FYB2: variants seen among roughly 807,000 people sequenced by gnomAD.
FYB2 encodes FYN-binding protein 2.
A neutral mutation model predicts 94.1 loss-of-function variants in FYB2; 103 were observed. The observed-to-expected ratio is 1.09, with a 90% CI of 0.93 to 1.29. The LOEUF (loss-of-function observed/expected upper bound fraction) is 1.29, where lower values mean the gene tolerates loss of function less well. Ranked by LOEUF, FYB2 falls within the 50% of genes most tolerant of loss-of-function variation. The pLI, the probability that FYB2 is intolerant of heterozygous loss-of-function variation, is 0.00. For missense variants in FYB2, 896 were observed against 841.5 expected, an observed-to-expected ratio of 1.06 and a Z score of -0.80; for synonymous variants, 293 against 287.9, an observed-to-expected ratio of 1.02 and a Z score of -0.18.
intron 5 of FYB2, among the ~76,000 whole-genome samples, chr1:56,765,392 AC>A (rs1645597666): frequency 6.6e-6 from 1 of 152,156 alleles, no homozygotes; most frequent in African/African-American, 2.4e-5. Flanking sequence ...GAATTTTATT[AC>A]CACCTGGCAG....
At chr1:56,745,801 A>G (rs976740646) in intron 9 of FYB2, among the ~76,000 whole-genome samples, 1 of 152,012 alleles carries the variant, frequency 6.6e-6, no homozygotes, top group South Asian at 2.1e-4. Context: ...AGTGATCTAC[A>G]GAAGTCCCTT....
chr1:56,805,086 G>C (rs1432581572), intron 1 of FYB2, among the ~76,000 whole-genome samples: 2 of 152,120 alleles, frequency 1.3e-5, no homozygotes, highest in Admixed American at 1.3e-4. Flanking sequence ...CCAGTTCTTA[G>C]GTTGGGCCAA....
chr1:56,806,010 G>A (rs929282102), intron 1 of FYB2, among the ~76,000 whole-genome samples: 14 of 152,120 alleles, frequency 9.2e-5, no homozygotes, highest in African/African-American at 3.1e-4. Context: ...TATGCTATAC[G>A]ACATGCCTTT....
At chr1:56,774,144 C>T (rs780440781) in intron 4 of FYB2, among the ~76,000 whole-genome samples, 13 of 151,792 alleles carry the variant, frequency 8.6e-5, no homozygotes, top group African/African-American at 1.9e-4. Flanking sequence ...AAACTTGTTT[C>T]GTATACATAT....
upstream of FYB2, among the ~76,000 whole-genome samples, chr1:56,822,858 G>C (rs1647000627): frequency 1.3e-5 from 2 of 152,060 alleles, no homozygotes. Context: ...GACAAAGCCA[G>C]ACTGTGTAGA....
intron 1 of FYB2, among the ~76,000 whole-genome samples, chr1:56,804,698 T>C (rs6668521): frequency 0.78 from 118,076 of 152,006 alleles, 46,082 homozygotes; most frequent in Middle Eastern, 0.85. Flanking sequence ...CCACTACACT[T>C]CAACCTGAGT....
chr1:56,806,310 C>G (rs1646646343), intron 1 of FYB2, among the ~76,000 whole-genome samples: 1 of 152,110 alleles, frequency 6.6e-6, no homozygotes, highest in Non-Finnish European at 1.5e-5. Context: ...AGGAACTTGG[C>G]TGTCAAAAGG....
At chr1:56,774,906 T>C (rs1288906243) in intron 4 of FYB2, among the ~76,000 whole-genome samples, 1 of 152,106 alleles carries the variant, frequency 6.6e-6, no homozygotes, top group African/African-American at 2.4e-5. Flanking sequence ...CCCTCAAACA[T>C]TGGACTCCAA....
rs201471748 is a variant in FYB2 at position 56,787,138 on chromosome 1, G to A, written c.953+37C>T. The A allele has an allele frequency of 1.0e-4, 164 of 1,612,112 alleles. 3 individuals are homozygous for A. In the South Asian group the frequency reaches 1.3e-3, roughly 13 times the overall value. On this transcript the variant is annotated intron_variant, in intron 4 of 19. Coordinates refer to ENST00000343433, the MANE Select transcript of FYB2 (RefSeq NM_001004303.5). ...AGCAGTCTAAGTAGCCTCTGTGGTGGGCTACGTTCCTACACAACTAAGGAG... is the reference window on the plus strand; with the variant it reads ...AGCAGTCTAAGTAGCCTCTGTGGTGAGCTACGTTCCTACACAACTAAGGAG...
intron 13 of FYB2, 60 bp from the exon 14 acceptor site, chr1:56,738,713 G>T: frequency 6.5e-7 from 1 of 1,539,152 alleles, no homozygotes; most frequent in Non-Finnish European, 8.9e-7. Flanking sequence ...GGAAAGATGA[G>T]CTGACAGATC....
intron 4 of FYB2, among the ~76,000 whole-genome samples, chr1:56,783,456 A>G (rs189522774): frequency 6.6e-6 from 1 of 152,306 alleles, no homozygotes; most frequent in Non-Finnish European, 1.5e-5. Context: ...ATATATAGAA[A>G]TACAGCTAGA....
At chr1:56,737,492 T>A (rs1644854945) in intron 14 of FYB2, 1 of 184,908 alleles carries the variant, frequency 5.4e-6, no homozygotes, top group Admixed American at 6.4e-5. Context: ...TGAACAAATA[T>A]GCTATACTGC....
At chr1:56,750,402 G>T (rs1645168350) in intron 9 of FYB2, among the ~76,000 whole-genome samples, 1 of 151,930 alleles carries the variant, frequency 6.6e-6, no homozygotes, top group African/African-American at 2.4e-5. Context: ...CAACTGAAAG[G>T]GTAGCAAAAC....
At chr1:56,738,584 AG>A in intron 14 of FYB2, 40 bp downstream of exon 14, 1 of 1,570,046 alleles carries the variant, frequency 6.4e-7, no homozygotes, top group Non-Finnish European at 8.7e-7. Context: ...AATATACAAA[AG>A]CTGAGTACTT....
chr1:56,724,380 G>T (rs1317108351), intron 16 of FYB2, among the ~76,000 whole-genome samples: 2 of 151,964 alleles, frequency 1.3e-5, no homozygotes, highest in Admixed American at 6.6e-5. Context: ...ATGAGATTTG[G>T]TTCTTCTTTT....
At chr1:56,785,686 C>G (rs1259284669) in intron 4 of FYB2, among the ~76,000 whole-genome samples, 5 of 152,220 alleles carry the variant, frequency 3.3e-5, no homozygotes, top group African/African-American at 1.2e-4. Context: ...TTTCTACACT[C>G]TAAGTGTACT....
At chr1:56,726,950 GTTTT>G (rs5774301) in intron 15 of FYB2, among the ~76,000 whole-genome samples, 5 of 128,222 alleles carry the variant, frequency 3.9e-5, no homozygotes, top group Non-Finnish European at 7.0e-5. Flanking sequence ...GTTTTGTTTT[GTTTT>G]TTTTTTTGCC....
chr1:56,775,915 T>A (rs769810191), intron 4 of FYB2, among the ~76,000 whole-genome samples: 12 of 152,218 alleles, frequency 7.9e-5, no homozygotes, highest in Non-Finnish European at 1.5e-4. Context: ...TATTCACTCT[T>A]CAAACAAACT....
At chr1:56,779,203 C>G (rs1427055361) in intron 4 of FYB2, among the ~76,000 whole-genome samples, 1 of 152,140 alleles carries the variant, frequency 6.6e-6, no homozygotes, top group Non-Finnish European at 1.5e-5. Context: ...GAAGCATATT[C>G]TTGGCCCTGG....
Sources: gnomAD v4.1 joint callset for allele counts (sites outside exome capture counted in the v4.1 genomes callset) on GRCh38, gnomAD v4.1.1 for gene constraint, MANE v1.5 for transcripts, NCBI Gene and HGNC (gene_info 2026-07-23, HGNC 2026-07-21) for gene names.